TMC6: variants seen among roughly 807,000 people sequenced by gnomAD.
TMC6 encodes transmembrane channel-like protein 6.
TMC6 carries 71 observed loss-of-function variants against 95.4 expected under a neutral mutation model. The observed-to-expected ratio is 0.74, with a 90% CI of 0.61 to 0.91. TMC6 has a LOEUF of 0.91. TMC6 is among the 40% of genes least tolerant of loss of function. The probability of loss-of-function intolerance (pLI) is 0.00; values close to 1 mark genes in which losing one functional copy is unlikely to be tolerated. For missense variants in TMC6, 1,074 were observed against 1,079.1 expected, an observed-to-expected ratio of 1.00 and a Z score of 0.07; for synonymous variants, 514 against 483.1, an observed-to-expected ratio of 1.06 and a Z score of -0.84.
Position 78,122,767 on chromosome 17 carries a change from CAG to C in TMC6, c.1083-20_1083-19del. On this transcript the variant is annotated intron_variant, in intron 9 of 19. Transcript: ENST00000590602. This position sits in a 1 kb window ranked among gnomAD's most constrained non-coding sequence, Gnocchi z 4.9. Reference sequence around the variant, plus strand: ...GAGCCATGCTGGGGAGAAGCAGACACAGACATGGCAACCAACAAGCTGACGGG... The same window carrying C: ...GAGCCATGCTGGGGAGAAGCAGACACACATGGCAACCAACAAGCTGACGGG... 6.2e-7 allele frequency: 1 copy of C among 1,606,462 alleles called. No individual in the cohort carries two copies. The highest frequency in any genetic ancestry group is 1.1e-5 in the South Asian group (1 of 90,392).
chr17:78,113,684 C>T, intron 18 of TMC6, 60 bp from the exon 19 acceptor site: 1 of 1,576,822 alleles, frequency 6.3e-7, no homozygotes, highest in African/African-American at 1.3e-5. Flanking sequence ...CCAGAGCCAT[C>T]CTGTTCCAAA....
At chr17:78,120,327 T>A (rs557189472) in intron 13 of TMC6, 28 of 417,776 alleles carry the variant, frequency 6.7e-5, no homozygotes, top group African/African-American at 5.3e-4. Flanking sequence ...GCCCTGCTAA[T>A]TTTTGTATTT....
chr17:78,112,994 G>C lies in TMC6; in HGVS notation c.*154C>G. The C allele has an allele frequency of 2.4e-6, 2 of 824,704 alleles. No homozygotes were observed. Among genetic ancestry groups the C allele is most frequent in the South Asian group, 3.1e-5 (2 of 63,736 alleles). 51.1% of individuals were successfully genotyped at this position (824,704 alleles called of 1,614,324 possible). A position where few individuals can be genotyped will look rare whatever the true frequency, so the allele number is the denominator to read the frequency against. On this transcript the variant is annotated 3_prime_UTR_variant, in exon 20 of 20. Coordinates refer to ENST00000590602, the MANE Select transcript of TMC6 (RefSeq NM_001127198.5). ...GAGTTCATTGGGGATGCCCAAGCCG[G>C]ATTCACCCACCCTTCCAGCTCCAGC...
At position 78,107,903 on chromosome 17, in the gene TMC6, AT is replaced by A. The variant is rs1179834128; in HGVS notation, c.*5244del. On this transcript the variant is annotated 3_prime_UTR_variant, in exon 20 of 20. Transcript: ENST00000590602. ...TTTGTGTTTCCTAGACATTTTATGC[AT>A]CTATTTTTGTAAAATCACCTTCGCT... The A allele has an allele frequency of 1.3e-5, 2 of 152,210 alleles. No homozygotes were observed. The highest frequency in any genetic ancestry group is 2.4e-5 in the African/African-American group (1 of 41,460). The allele number at this position is 152,210 out of a possible 1,614,324, so 9.4% of individuals were successfully genotyped here.
intron 6 of TMC6, 51 bp downstream of exon 6, chr17:78,125,107 T>C: frequency 1.9e-6 from 3 of 1,546,286 alleles, no homozygotes. Flanking sequence ...GCTGAGGAAG[T>C]GGGTCTGGGG....
At position 78,109,791 on chromosome 17, in the gene TMC6, G is replaced by T. The variant is rs933295273; in HGVS notation, c.*3357C>A. 1.4e-4 allele frequency: 47 copies of T among 346,626 alleles called. No homozygotes were observed. The highest frequency in any genetic ancestry group is 3.1e-4 in the East Asian group (4 of 12,732). The allele number at this position is 346,626 out of a possible 1,614,324, so 21.5% of individuals were successfully genotyped here. A position where few individuals can be genotyped will look rare whatever the true frequency, so the allele number is the denominator to read the frequency against. The stretch of plus-strand genomic sequence containing the variant: ...TTTAAGATAATTCACATCCGGCCAG[G>T]CATGGTGGCTCATGCCTGTAATCCC... On this transcript the variant is annotated 3_prime_UTR_variant, in exon 20 of 20. Coordinates refer to ENST00000590602, the MANE Select transcript of TMC6 (RefSeq NM_001127198.5).
In TMC6 at chr17:78,113,690, C is replaced by T. The variant is rs569168430; in HGVS notation, c.2278-66G>A. On this transcript the variant is annotated intron_variant, in intron 18 of 19. Transcript: ENST00000590602. Reference sequence around the variant, plus strand: ...TCAGCCCATCCAGAGCCATCCTGTTCCAAACTGCATTTGAGGGAAAACTCA... The same window carrying T: ...TCAGCCCATCCAGAGCCATCCTGTTTCAAACTGCATTTGAGGGAAAACTCA... 5.0e-5 allele frequency: 77 copies of T among 1,545,890 alleles called. No homozygotes were observed. The South Asian group carries it at 8.0e-4, about 16-fold the overall frequency.
Position 78,108,577 on chromosome 17 carries a change from A to G in TMC6, c.*4571T>C, listed in dbSNP as rs573687456. ...TGGCAGGCTTCATGGAGGAGGTGGC[A>G]TTTGCCCTGGGCCTGGGAGACCAGG... is the stretch of plus-strand genomic sequence containing the variant. On this transcript the variant is annotated 3_prime_UTR_variant, in exon 20 of 20. Coordinates refer to ENST00000590602, the MANE Select transcript of TMC6 (RefSeq NM_001127198.5). The G allele has an allele frequency of 1.1e-3, 168 of 155,268 alleles. No individual in the cohort carries two copies. Among genetic ancestry groups the G allele is most frequent in the Middle Eastern group, 5.2e-3 (10 of 1,928 alleles). 9.6% of individuals were successfully genotyped at this position (155,268 alleles called of 1,614,324 possible).
chr17:78,131,545 C>G (rs533807578), upstream of TMC6: 506 of 1,537,318 alleles, frequency 3.3e-4, 6 homozygotes, highest in South Asian at 3.0e-3. Flanking sequence ...CATATCCCCC[C>G]CACCGGCAGC....
In TMC6 at chr17:78,117,581, C is replaced by G. The variant is rs1201341749; in HGVS notation, c.2085G>C (p.Arg695Ser). The change falls in exon 17 of 20, where the codon AGG becomes AGC. Residue 695 changes from arginine to serine, a missense_variant. Transcript: ENST00000590602. ...CCGCCTCCAGGTGGCGCACCCACAC[C>G]CTGCCGGCCTCGTACATGGTGTCCA... is the stretch of plus-strand genomic sequence containing the variant. Reference protein sequence around the residue: ...RTLDTMYEAGRVWVRHLEAAG... With the variant: ...RTLDTMYEAGSVWVRHLEAAG... 2.5e-6 allele frequency: 4 copies of G among 1,585,874 alleles called. No homozygotes were observed. The Admixed American group carries it at 5.4e-5, about 21-fold the overall frequency.
intron 3 of TMC6, 25 bp from the exon 4 acceptor site, chr17:78,126,391 G>A (rs1421906535): frequency 1.9e-6 from 3 of 1,599,932 alleles, no homozygotes; most frequent in Non-Finnish European, 2.5e-6. Context: ...AGACTCACCA[G>A]GGGTCCTGGA....
chr17:78,125,285 C>G, intron 5 of TMC6, 22 bp from the exon 6 acceptor site: 1 of 1,549,774 alleles, frequency 6.5e-7, no homozygotes, highest in Non-Finnish European at 8.7e-7. Flanking sequence ...AGAGGGAGGT[C>G]CTGCCCATCC....
rs372061737 is a variant in TMC6 at position 78,118,486 on chromosome 17, G to A, written c.1887+485C>T. Among the ~76,000 whole-genome samples the A allele has an allele frequency of 6.6e-5, 10 of 152,252 alleles. No individual in the cohort carries two copies. The South Asian group carries it at 1.7e-3, about 25-fold the overall frequency. ...CAGGAGAATGGCGTGAACCTGGGAG[G>A]CGGAGCTTGCAGTGAGCCGAGATTG... On this transcript the variant is annotated intron_variant, in intron 15 of 19. Coordinates refer to ENST00000590602, the MANE Select transcript of TMC6 (RefSeq NM_001127198.5).
At chr17:78,114,914 G>A (rs1412251132) in intron 18 of TMC6, among the ~76,000 whole-genome samples, 2 of 151,006 alleles carry the variant, frequency 1.3e-5, no homozygotes, top group Non-Finnish European at 3.0e-5. Flanking sequence ...CCAGAGCAAC[G>A]GTGGGTAGAG....
At position 78,113,054 on chromosome 17, in the gene TMC6, G is replaced by C; in HGVS notation, c.*94C>G. The C allele has an allele frequency of 1.4e-6, 2 of 1,455,272 alleles. No homozygotes were observed. The highest frequency in any genetic ancestry group is 4.0e-5 in the Admixed American group (2 of 50,440). The allele number at this position is 1,455,272 out of a possible 1,614,324, so 90.1% of individuals were successfully genotyped here. On this transcript the variant is annotated 3_prime_UTR_variant, in exon 20 of 20. Transcript: ENST00000590602. ...GCTGCGGCTTTCGAGAGGCGAAACT[G>C]TCTTCCTTGTCCTGGTGTCCCAGCA...
intron 9 of TMC6, among the ~76,000 whole-genome samples, chr17:78,123,382 G>C (rs1007978040): frequency 6.6e-6 from 1 of 152,164 alleles, no homozygotes; most frequent in African/African-American, 2.4e-5. Flanking sequence ...TGGGTGGATG[G>C]GTGGATGGAT....
In TMC6 at chr17:78,122,989, C is replaced by T. The variant is rs922363535; in HGVS notation, c.1083-240G>A. 9.9e-6 allele frequency: 6 copies of T among 608,108 alleles called. No individual in the cohort carries two copies. Among genetic ancestry groups the T allele is most frequent in the South Asian group, 7.7e-5 (4 of 51,912 alleles). 37.7% of individuals were successfully genotyped at this position (608,108 alleles called of 1,614,324 possible). On this transcript the variant is annotated intron_variant, in intron 9 of 19. Transcript: ENST00000590602. The surrounding 1 kb of genome is among the most constrained non-coding windows in gnomAD (Gnocchi z 4.9). ...AGAGGGGGCAGGGCTGCATTCACCG[C>T]GGACTTGGCTGGCTGCCTCCCAGCG...
In TMC6 at chr17:78,109,107, A is replaced by T. The variant is rs182861357; in HGVS notation, c.*4041T>A. The T allele has an allele frequency of 3.9e-6, 1 of 259,404 alleles. No homozygotes were observed. Among genetic ancestry groups the T allele is most frequent in the Non-Finnish European group, 7.7e-6 (1 of 130,466 alleles). The allele number at this position is 259,404 out of a possible 1,614,324, so 16.1% of individuals were successfully genotyped here. A position where few individuals can be genotyped will look rare whatever the true frequency, so the allele number is the denominator to read the frequency against. On this transcript the variant is annotated 3_prime_UTR_variant, in exon 20 of 20. Transcript: ENST00000590602. ...GAATACAGGCATGAGCCAGGTGCCCAGCCTTTGTTGTTGTTGTTGTTGCTG... is the reference window on the plus strand; with the variant it reads ...GAATACAGGCATGAGCCAGGTGCCCTGCCTTTGTTGTTGTTGTTGTTGCTG...
chr17:78,124,140 T>A lies in TMC6; in HGVS notation c.931A>T (p.Ser311Cys). ...THTVMYYGHY[S>C]NATLNQPCGS... The stretch of plus-strand genomic sequence containing the variant: ...CACGGCTGGTTCAGCGTGGCGTTAC[T>A]GTAGTGGCCGTAGTACATGACGGTG... The change falls in exon 9 of 20, where the codon AGT becomes TGT. Residue 311 changes from serine to cysteine, a missense_variant. Physicochemically the swap from Ser to Cys is moderately radical, Grantham distance 112. Coordinates refer to ENST00000590602, the MANE Select transcript of TMC6 (RefSeq NM_001127198.5). 1 of 1,612,598 alleles carries A rather than the reference T, an allele frequency of 6.2e-7. No individual in the cohort carries two copies. The highest frequency in any genetic ancestry group is 8.5e-7 in the Non-Finnish European group (1 of 1,179,880).
Sources: gnomAD v4.1 joint callset for allele counts (sites outside exome capture counted in the v4.1 genomes callset) on GRCh38, gnomAD v4.1.1 for gene constraint, Gnocchi (gnomAD v3.1) non-coding constraint, MANE v1.5 for transcripts, NCBI Gene and HGNC (gene_info 2026-07-23, HGNC 2026-07-21) for gene names.